The following KIF3C variants were observed in gnomAD, a reference collection of about 807,000 sequenced individuals.
The protein encoded by KIF3C is kinesin-like protein KIF3C.
KIF3C carries 12 observed loss-of-function variants against 67.7 expected under a neutral mutation model. That is an observed-to-expected ratio of 0.18 (90% CI 0.11 to 0.29). The LOEUF is 0.29. KIF3C is among the 10% of genes least tolerant of loss of function. The pLI, the probability that KIF3C is intolerant of heterozygous loss-of-function variation, is 1.00. For synonymous variants in KIF3C, 393 were observed against 426.2 expected, an observed-to-expected ratio of 0.92 and a Z score of 0.96; for missense variants, 789 against 1,059.6, an observed-to-expected ratio of 0.74 and a Z score of 3.55.
intron 5 of KIF3C, among the ~76,000 whole-genome samples, chr2:25,943,937 A>G (rs1574482526): frequency 6.6e-6 from 1 of 152,350 alleles, no homozygotes; most frequent in South Asian, 2.1e-4. Context: ...GTTCTGAAAT[A>G]AATATTAAAT....
At chr2:25,930,129 G>C (rs2090446938) in intron 5 of KIF3C, 66 bp from the exon 6 acceptor site, 1 of 1,291,742 alleles carries the variant, frequency 7.7e-7, no homozygotes, top group South Asian at 1.2e-5. Flanking sequence ...ACATCATGAG[G>C]ACCTAAATAT....
In KIF3C at chr2:25,982,098, C is replaced by G; in HGVS notation, c.-181G>C. The G allele has an allele frequency of 1.8e-6, 1 of 544,128 alleles. No homozygotes were observed. The highest frequency in any genetic ancestry group is 2.7e-5 in the South Asian group (1 of 37,428). The allele number at this position is 544,128 out of a possible 1,614,324, so 33.7% of individuals were successfully genotyped here. The stretch of plus-strand genomic sequence containing the variant: ...GCCCCAACGCTGCTGCAGTCCGGGC[C>G]TCCACCGCTCTCCGGTCCTCTCTGC... On this transcript the variant is annotated 5_prime_UTR_variant, in exon 1 of 8. Coordinates refer to ENST00000264712, the MANE Select transcript of KIF3C (RefSeq NM_002254.8).
intron 5 of KIF3C, among the ~76,000 whole-genome samples, chr2:25,940,650 C>CTTTTTTTTTTTT (rs70950139): frequency 5.4e-5 from 4 of 74,172 alleles, no homozygotes; most frequent in Admixed American, 2.2e-4. Flanking sequence ...TCAGAATGTT[C>CTTTTTTTTTTTT]TTTTTTTTTT....
intron 1 of KIF3C, among the ~76,000 whole-genome samples, chr2:25,959,217 T>C (rs562983079): frequency 2.6e-5 from 4 of 152,206 alleles, no homozygotes; most frequent in Non-Finnish European, 5.9e-5. Flanking sequence ...AAATTTTCCC[T>C]GATCCCCTTG....
chr2:25,942,905 G>A (rs933161826), intron 5 of KIF3C, among the ~76,000 whole-genome samples: 13 of 152,184 alleles, frequency 8.5e-5, no homozygotes, highest in Admixed American at 5.9e-4. Context: ...TGAGAGAGAG[G>A]CACTGGTCAG....
intron 4 of KIF3C, 54 bp from the exon 5 acceptor site, chr2:25,951,959 G>T: frequency 8.2e-7 from 1 of 1,215,650 alleles, no homozygotes; most frequent in Non-Finnish European, 1.2e-6. Flanking sequence ...GAGACCACGT[G>T]GTGCATGTGA....
chr2:25,975,540 A>T (rs954452739), intron 1 of KIF3C, among the ~76,000 whole-genome samples: 1 of 152,156 alleles, frequency 6.6e-6, no homozygotes, highest in African/African-American at 2.4e-5. Flanking sequence ...CTAATTTTTT[A>T]AGCCTAAAAG....
chr2:25,978,374 T>A (rs762270750), intron 1 of KIF3C, among the ~76,000 whole-genome samples: 2 of 152,156 alleles, frequency 1.3e-5, no homozygotes, highest in Admixed American at 6.6e-5. Flanking sequence ...ACTCTGATTA[T>A]CAAGTAGCAC....
At chr2:25,969,462 T>A (rs1319239213) in intron 1 of KIF3C, among the ~76,000 whole-genome samples, 1 of 152,064 alleles carries the variant, frequency 6.6e-6, no homozygotes, top group Admixed American at 6.6e-5. Flanking sequence ...AAACACCACC[T>A]GTTCCCCCAA....
At chr2:25,930,808 G>C (rs2090453044) in intron 5 of KIF3C, among the ~76,000 whole-genome samples, 1 of 152,024 alleles carries the variant, frequency 6.6e-6, no homozygotes, top group Non-Finnish European at 1.5e-5. Context: ...CGATGTACTG[G>C]AATTACAGGC....
At chr2:25,976,197 A>G (rs1297598875) in intron 1 of KIF3C, among the ~76,000 whole-genome samples, 2 of 152,162 alleles carry the variant, frequency 1.3e-5, no homozygotes, top group Non-Finnish European at 2.9e-5. Context: ...ATTTCAACAC[A>G]GTTCGCATTC....
chr2:25,981,750 C>T lies in KIF3C; in HGVS notation c.168G>A (p.Lys56=). Residue 56 remains lysine, a synonymous_variant, in exon 1 of 8, where the codon AAG becomes AAA. Coordinates refer to ENST00000264712, the MANE Select transcript of KIF3C (RefSeq NM_002254.8). This position sits in a 1 kb window ranked among gnomAD's most constrained non-coding sequence, Gnocchi z 8.2. ...NPRAAPGELP[K]TFTFDAVYDA... ...CATACACGGCGTCAAAGGTGAAGGT[C>T]TTGGGCAGCTCCCCCGGGGCGGCGC... is the stretch of plus-strand genomic sequence containing the variant. 1 of 1,613,744 alleles carries T rather than the reference C, an allele frequency of 6.2e-7. No individual in the cohort carries two copies. Among genetic ancestry groups the T allele is most frequent in the Non-Finnish European group, 8.5e-7 (1 of 1,179,832 alleles).
rs539895026 is a variant in KIF3C at position 25,930,823 on chromosome 2, G to A, written c.2007-760C>T. ...CGATGTACTGGAATTACAGGCGTGA[G>A]CCACCGTGCCTGGCCTAACACCCGG... On this transcript the variant is annotated intron_variant, in intron 5 of 7. Coordinates refer to ENST00000264712, the MANE Select transcript of KIF3C (RefSeq NM_002254.8). Among the ~76,000 whole-genome samples, 159 of 152,208 alleles carry A rather than the reference G, an allele frequency of 1.0e-3. 2 individuals are homozygous for A. The highest frequency in any genetic ancestry group is 7.9e-3 in the Admixed American group (121 of 15,284).
chr2:25,933,981 G>T (rs1378355640), intron 5 of KIF3C: 1 of 322,816 alleles, frequency 3.1e-6, no homozygotes, highest in Non-Finnish European at 6.4e-6. Context: ...TCCACCAACT[G>T]ATGTGTTGAT....
chr2:25,936,822 T>C (rs1056194128), intron 5 of KIF3C, among the ~76,000 whole-genome samples: 1 of 152,176 alleles, frequency 6.6e-6, no homozygotes, highest in Non-Finnish European at 1.5e-5. Flanking sequence ...ATTATTAAAA[T>C]ACTTTTACTA....
At chr2:25,973,678 T>C (rs1664337455) in intron 1 of KIF3C, among the ~76,000 whole-genome samples, 1 of 152,126 alleles carries the variant, frequency 6.6e-6, no homozygotes, top group Admixed American at 6.6e-5. Context: ...AACAGCCCAA[T>C]TTTAACTGTT....
intron 1 of KIF3C, among the ~76,000 whole-genome samples, chr2:25,957,973 T>G (rs1477357966): frequency 6.6e-6 from 1 of 152,068 alleles, no homozygotes; most frequent in East Asian, 1.9e-4. Context: ...CATCCTAGGC[T>G]CCTCCTTCAC....
At chr2:25,968,242 C>T (rs1664193769) in intron 1 of KIF3C, among the ~76,000 whole-genome samples, 1 of 152,204 alleles carries the variant, frequency 6.6e-6, no homozygotes, top group South Asian at 2.1e-4. Context: ...GAGTCTCCGC[C>T]TTGGATGGCT....
intron 6 of KIF3C, 63 bp from the exon 7 acceptor site, chr2:25,929,540 A>C: frequency 1.4e-6 from 2 of 1,477,564 alleles, no homozygotes; most frequent in Non-Finnish European, 1.9e-6. Flanking sequence ...CTAGGGACTC[A>C]GCCAGTCTTG....
Sources: gnomAD v4.1 joint callset for allele counts (sites outside exome capture counted in the v4.1 genomes callset) on GRCh38, gnomAD v4.1.1 for gene constraint, Gnocchi (gnomAD v3.1) non-coding constraint, MANE v1.5 for transcripts, NCBI Gene and HGNC (gene_info 2026-07-23, HGNC 2026-07-21) for gene names.